Variants in DNAJB6 observed in about 807,000 individuals in gnomAD.
DNAJB6 encodes the protein DnaJ heat shock protein family (Hsp40) member B6, also known as dnaJ homolog subfamily B member 6.
Under a neutral mutation model 42.7 loss-of-function variants are expected in DNAJB6, and 16 were observed. The observed-to-expected ratio is 0.37, with a 90% CI of 0.25 to 0.57. The LOEUF is 0.57. Among genes scored for constraint, DNAJB6 ranks in the 20% least tolerant of loss-of-function variants. The pLI is 0.74. For synonymous variants in DNAJB6, 170 were observed against 163.5 expected (o/e 1.04, Z -0.30); for missense variants, 347 against 416.8 (o/e 0.83, Z 1.46).
At chr7:157,363,601 C>T (rs1203380266) in intron 3 of DNAJB6, among the ~76,000 whole-genome samples, 2 of 152,056 alleles carry the variant, frequency 1.3e-5, no homozygotes, top group East Asian at 1.9e-4. Context: ...TGCTTGCCCC[C>T]GTTGTGTGTG....
chr7:157,366,840 T>TA (rs1799870599), intron 4 of DNAJB6, among the ~76,000 whole-genome samples: 1 of 152,244 alleles, frequency 6.6e-6, no homozygotes, highest in South Asian at 2.1e-4. Flanking sequence ...CACTTGACGT[T>TA]ATGTCAAAAT....
At chr7:157,378,521 T>G (rs1800588116) in intron 5 of DNAJB6, 1 of 152,218 alleles carries the variant, frequency 6.6e-6, no homozygotes, top group African/African-American at 2.4e-5. Context: ...TGTATGGTTG[T>G]GCGTTGTAGC....
chr7:157,385,148 ATTCATTAATTAAAGCCTT>A, intron 7 of DNAJB6, 140 bp downstream of exon 7: 1 of 866,094 alleles, frequency 1.2e-6, no homozygotes, highest in South Asian at 2.0e-5. Context: ...TGCTCTCCAA[ATTCATTAATTAAAGCCTT>A]TTCTCTTAAA....
chr7:157,410,339 G>A, intron 9 of DNAJB6: 1 of 467,442 alleles, frequency 2.1e-6, no homozygotes, highest in Non-Finnish European at 3.6e-6. Context: ...AGAGCTTGAG[G>A]CCTGTGGCTT....
intron 5 of DNAJB6, among the ~76,000 whole-genome samples, chr7:157,375,567 G>T (rs139748166): frequency 2.3e-3 from 344 of 152,358 alleles, no homozygotes; most frequent in African/African-American, 8.1e-3. Context: ...GCTGTTTAGT[G>T]CCAGGCACTA....
intron 5 of DNAJB6, among the ~76,000 whole-genome samples, chr7:157,376,874 C>T (rs550912313): frequency 1.1e-4 from 17 of 152,242 alleles, no homozygotes; most frequent in Non-Finnish European, 2.1e-4. Flanking sequence ...AGCAAGACTC[C>T]GTCTTGGGAA....
chr7:157,391,461 AATTGGCACT>A (rs1801339149), intron 8 of DNAJB6, among the ~76,000 whole-genome samples: 1 of 152,194 alleles, frequency 6.6e-6, no homozygotes, highest in Non-Finnish European at 1.5e-5. Context: ...TGCACAGATG[AATTGGCACT>A]GGACACGGCC....
intron 1 of DNAJB6, among the ~76,000 whole-genome samples, chr7:157,358,253 A>G (rs150402061): frequency 2.0e-5 from 3 of 152,350 alleles, no homozygotes; most frequent in Non-Finnish European, 2.9e-5. Flanking sequence ...CTAGTGGTCA[A>G]GTGGCACGGA....
chr7:157,405,541 A>G (rs1026970000), intron 8 of DNAJB6, among the ~76,000 whole-genome samples: 2 of 152,168 alleles, frequency 1.3e-5, no homozygotes, highest in Admixed American at 1.3e-4. Context: ...GGGGATCCAC[A>G]GAGAGTTCAC....
intron 1 of DNAJB6, among the ~76,000 whole-genome samples, chr7:157,353,633 T>G (rs140751512): frequency 0.014 from 1,853 of 133,000 alleles, 17 homozygotes; most frequent in Non-Finnish European, 0.022. Context: ...ATGTATTTTT[T>G]TTTGTTTGTT....
chr7:157,388,509 C>CA (rs1380017301), intron 8 of DNAJB6, among the ~76,000 whole-genome samples: 1 of 152,208 alleles, frequency 6.6e-6, no homozygotes, highest in Non-Finnish European at 1.5e-5. Flanking sequence ...TGCACAGCCC[C>CA]ATGTGGTCCC....
chr7:157,403,476 T>C (rs555776481), intron 8 of DNAJB6, among the ~76,000 whole-genome samples: 1 of 151,692 alleles, frequency 6.6e-6, no homozygotes. Context: ...TTTTTGTTTG[T>C]TTTTTTTGAG....
intron 1 of DNAJB6, among the ~76,000 whole-genome samples, chr7:157,345,489 T>TC (rs58936645): frequency 6.6e-6 from 1 of 152,072 alleles, no homozygotes; most frequent in African/African-American, 2.4e-5. Context: ...TAATTTTTTT[T>TC]ATCTTTTTGT....
chr7:157,346,316 TAAAAAAAA>T (rs60806134), intron 1 of DNAJB6, among the ~76,000 whole-genome samples: 7 of 117,732 alleles, frequency 5.9e-5, no homozygotes, highest in African/African-American at 2.1e-4. Context: ...CAAGGAGTAG[TAAAAAAAA>T]AAAAAAAAAA....
At chr7:157,371,032 C>G (rs567381426) in intron 5 of DNAJB6, among the ~76,000 whole-genome samples, 2 of 152,224 alleles carry the variant, frequency 1.3e-5, no homozygotes, top group South Asian at 4.1e-4. Flanking sequence ...TGCCTGAGCC[C>G]CACCTCCTAT....
At chr7:157,415,825 G>C (rs1231605039) in intron 9 of DNAJB6, among the ~76,000 whole-genome samples, 191 bp from the exon 10 acceptor site, 1 of 152,248 alleles carries the variant, frequency 6.6e-6, no homozygotes, top group Admixed American at 6.5e-5. Context: ...GAAGCTCTCT[G>C]GGTAGTGTGA....
At chr7:157,361,148 T>G (rs1799564379) in intron 2 of DNAJB6, among the ~76,000 whole-genome samples, 1 of 149,204 alleles carries the variant, frequency 6.7e-6, no homozygotes, top group Non-Finnish European at 1.5e-5. Flanking sequence ...GGTTATTTGA[T>G]CCACTGCTAC....
At chr7:157,348,454 G>A (rs940240694) in intron 1 of DNAJB6, among the ~76,000 whole-genome samples, 4 of 152,130 alleles carry the variant, frequency 2.6e-5, no homozygotes, top group African/African-American at 9.7e-5. Context: ...CAGTCCTAGC[G>A]TTTGTGGATG....
chr7:157,398,747 T>A (rs1801715171), intron 8 of DNAJB6, among the ~76,000 whole-genome samples: 1 of 152,252 alleles, frequency 6.6e-6, no homozygotes, highest in African/African-American at 2.4e-5. Flanking sequence ...GTAACCAGCC[T>A]ACATTTTAGT....
Sources: allele counts gnomAD v4.1 joint callset (sites outside exome capture counted in the v4.1 genomes callset), GRCh38; gene constraint gnomAD v4.1.1; transcripts MANE v1.5; gene names NCBI Gene and HGNC (gene_info 2026-07-23, HGNC 2026-07-21).